The following SPAG16 variants were observed in gnomAD, a reference collection of about 807,000 sequenced individuals.
SPAG16 encodes the protein sperm-associated antigen 16 protein.
SPAG16 carries 86 observed loss-of-function variants against 80.4 expected under a neutral mutation model. The observed-to-expected ratio is 1.07, with a 90% CI of 0.90 to 1.28. SPAG16 has a LOEUF of 1.28. Ranked by LOEUF, SPAG16 falls within the 50% of genes most tolerant of loss-of-function variation. The probability of loss-of-function intolerance (pLI) is 0.00; values close to 1 mark genes in which losing one functional copy is unlikely to be tolerated. For synonymous variants in SPAG16, 294 were observed against 265.9 expected (o/e 1.11, Z -1.03); for missense variants, 870 against 765.3 (o/e 1.14, Z -1.61).
chr2:213,800,260 T>A (rs1328367759), intron 10 of SPAG16, among the ~76,000 whole-genome samples: 1 of 152,148 alleles, frequency 6.6e-6, no homozygotes, highest in East Asian at 1.9e-4. Flanking sequence ...TCTGCCATAT[T>A]TCTTGTGTAC....
intron 10 of SPAG16, among the ~76,000 whole-genome samples, chr2:213,702,847 T>G (rs1210137840): frequency 2.6e-5 from 4 of 152,214 alleles, no homozygotes; most frequent in Admixed American, 2.0e-4. Context: ...AACAACAAGC[T>G]GCTAATGGGA....
At chr2:214,381,313 T>C (rs986047192) in intron 15 of SPAG16, among the ~76,000 whole-genome samples, 1 of 152,186 alleles carries the variant, frequency 6.6e-6, no homozygotes, top group Non-Finnish European at 1.5e-5. Flanking sequence ...AATCAAGAGG[T>C]GCTTTTCTTT....
intron 10 of SPAG16, among the ~76,000 whole-genome samples, chr2:213,546,233 C>T (rs2125929085): frequency 6.6e-6 from 1 of 152,138 alleles, no homozygotes; most frequent in South Asian, 2.1e-4. Flanking sequence ...CTTAGGCTTG[C>T]TCTCTTCTGT....
intron 11 of SPAG16, among the ~76,000 whole-genome samples, chr2:213,894,979 C>T (rs1388033483): frequency 1.4e-5 from 1 of 69,514 alleles, no homozygotes; most frequent in Non-Finnish European, 2.4e-5. Context: ...CAGAACAAGG[C>T]TCCATCTCAA....
intron 15 of SPAG16, among the ~76,000 whole-genome samples, chr2:214,384,734 A>G (rs1700651019): frequency 6.6e-6 from 1 of 152,218 alleles, no homozygotes; most frequent in Non-Finnish European, 1.5e-5. Context: ...GTCATCAAAC[A>G]TGCCATCTGC....
intron 15 of SPAG16, among the ~76,000 whole-genome samples, chr2:214,248,681 A>G (rs1193438695): frequency 6.6e-6 from 1 of 152,122 alleles, no homozygotes; most frequent in Middle Eastern, 3.2e-3. Flanking sequence ...TCCTCCTGAG[A>G]TTTTAATTTT....
At chr2:214,154,669 T>C (rs981295161) in intron 15 of SPAG16, among the ~76,000 whole-genome samples, 25 of 152,114 alleles carry the variant, frequency 1.6e-4, no homozygotes, top group South Asian at 4.1e-4. Flanking sequence ...GGAGAGAACA[T>C]TTATTTAGAA....
chr2:213,843,332 G>A (rs963503745), intron 10 of SPAG16, among the ~76,000 whole-genome samples: 18 of 151,938 alleles, frequency 1.2e-4, no homozygotes, highest in Non-Finnish European at 2.6e-4. Flanking sequence ...ATACAGAACC[G>A]TACAATCCAC....
chr2:213,343,826 A>C (rs1306546670), intron 6 of SPAG16, among the ~76,000 whole-genome samples: 7 of 152,164 alleles, frequency 4.6e-5, no homozygotes, highest in Non-Finnish European at 1.0e-4. Flanking sequence ...AGAAATGAGC[A>C]GGGACTCAAA....
At chr2:214,004,627 C>T (rs1253230185) in intron 12 of SPAG16, among the ~76,000 whole-genome samples, 5 of 151,758 alleles carry the variant, frequency 3.3e-5, no homozygotes, top group Non-Finnish European at 7.4e-5. Context: ...AAAAGGTGTC[C>T]GCGGCTTATC....
At chr2:213,307,188 GTTTTT>G (rs537206078) in intron 3 of SPAG16, among the ~76,000 whole-genome samples, 4 of 150,672 alleles carry the variant, frequency 2.7e-5, no homozygotes, top group African/African-American at 4.9e-5. Flanking sequence ...GTTGAATTTT[GTTTTT>G]TTTTATTTTT....
intron 10 of SPAG16, among the ~76,000 whole-genome samples, chr2:213,614,302 A>C (rs111988339): frequency 0.021 from 3,127 of 152,300 alleles, 46 homozygotes; most frequent in Middle Eastern, 0.051. Flanking sequence ...ATTTAAAGGG[A>C]TACAAATGGC....
intron 12 of SPAG16, among the ~76,000 whole-genome samples, chr2:213,969,450 G>T (rs988041259): frequency 2.0e-5 from 3 of 152,150 alleles, no homozygotes; most frequent in African/African-American, 7.2e-5. Context: ...GTTAAGAAGT[G>T]AGGTATTTGG....
intron 10 of SPAG16, among the ~76,000 whole-genome samples, chr2:213,560,342 C>T (rs2059563582): frequency 6.6e-6 from 1 of 152,022 alleles, no homozygotes; most frequent in Admixed American, 6.6e-5. Context: ...TAACAAAAGT[C>T]ACAATGAGTC....
rs2066076888 is a variant in SPAG16 at position 213,713,114 on chromosome 2, A to G, written c.1071-149371A>G. ...GTCTGGTGAGAATTCACTCACTACC[A>G]TGAGAACAGCATGGGGGAACCGCCC... On this transcript the variant is annotated intron_variant, in intron 10 of 15. Coordinates refer to ENST00000331683, the MANE Select transcript of SPAG16 (RefSeq NM_024532.5). Among the ~76,000 whole-genome samples the G allele has an allele frequency of 2.6e-5, 4 of 152,258 alleles. No individual in the cohort carries two copies. In the South Asian group the frequency reaches 8.3e-4, roughly 32 times the overall value.
Position 213,296,064 on chromosome 2 carries a change from A to T in SPAG16, c.137A>T (p.Gln46Leu). ...VAAEGAYYLEQVTITEASEDD... is the reference protein window; with the variant it reads ...VAAEGAYYLELVTITEASEDD... ...GATTAAAACTTGACAAGATATTCAG[A>T]GGTCACCATAACTGAAGCATCTGAA... The change falls in exon 2 of 16, where the codon CAG becomes CTG. Residue 46 changes from glutamine (Q) to leucine (L), a missense_variant and splice_region_variant. Transcript: ENST00000331683. 1 of 1,609,342 alleles carries T rather than the reference A, an allele frequency of 6.2e-7. No individual in the cohort carries two copies. Among genetic ancestry groups the T allele is most frequent in the Middle Eastern group, 1.7e-4 (1 of 6,050 alleles).
In SPAG16 at chr2:213,548,603, T is replaced by C. The variant is rs1177331210; in HGVS notation, c.1070+58513T>C. On this transcript the variant is annotated intron_variant, in intron 10 of 15. Coordinates refer to ENST00000331683, the MANE Select transcript of SPAG16 (RefSeq NM_024532.5). ...CAGTTTTTAGTTTCAGTTATCTTAT[T>C]ATAAATGAGATTGAGAATGATTTTA... Among the ~76,000 whole-genome samples the C allele has an allele frequency of 3.9e-5, 6 of 152,358 alleles. No homozygotes were observed. In the East Asian group the frequency reaches 1.2e-3, roughly 29 times the overall value.
At chr2:213,642,167 C>T (rs966842232) in intron 10 of SPAG16, among the ~76,000 whole-genome samples, 11 of 152,168 alleles carry the variant, frequency 7.2e-5, no homozygotes, top group Non-Finnish European at 1.3e-4. Flanking sequence ...ACTTTGGGAA[C>T]GCACAATGTT....
intron 10 of SPAG16, among the ~76,000 whole-genome samples, chr2:213,776,619 T>C (rs2069592269): frequency 6.6e-6 from 1 of 151,952 alleles, no homozygotes; most frequent in African/African-American, 2.4e-5. Flanking sequence ...GTTGTGAGGG[T>C]GAAATTTTAA....
Sources: gnomAD v4.1 joint callset for allele counts (sites outside exome capture counted in the v4.1 genomes callset) on GRCh38, gnomAD v4.1.1 for gene constraint, MANE v1.5 for transcripts, NCBI Gene and HGNC (gene_info 2026-07-23, HGNC 2026-07-21) for gene names.